The following MID1 variants were observed in gnomAD, a reference collection of about 807,000 sequenced individuals.
The protein encoded by MID1 is E3 ubiquitin-protein ligase Midline-1.
In MID1, 7 loss-of-function variants were observed where a neutral mutation model predicts 40.4. The observed-to-expected ratio is 0.17, with a 90% CI of 0.10 to 0.33. The LOEUF (loss-of-function observed/expected upper bound fraction) is 0.33, where lower values mean the gene tolerates loss of function less well. MID1 is among the 10% of genes least tolerant of loss of function. MID1 has a pLI of 1.00. For missense variants in MID1, 367 were observed against 558.5 expected (o/e 0.66, Z 3.46); for synonymous variants, 229 against 221.2 (o/e 1.04, Z -0.31).
chrX:10,698,892 T>C (rs111238472), intron 1 of MID1, among the ~76,000 whole-genome samples: 9 of 111,740 alleles, frequency 8.1e-5, no homozygotes, highest in African/African-American at 2.9e-4. Flanking sequence ...AGAATTTAAA[T>C]CTGCATAAAC....
chrX:10,488,973 CTA>C (rs763779774), intron 4 of MID1, among the ~76,000 whole-genome samples: 6 of 109,656 alleles, frequency 5.5e-5, no homozygotes, highest in African/African-American at 1.7e-4. Context: ...TCCTCTCTCT[CTA>C]TATATATATA....
intron 2 of MID1, among the ~76,000 whole-genome samples, chrX:10,533,391 A>AAAGAAAG (rs1569089898): frequency 5.4e-4 from 30 of 55,071 alleles, no homozygotes; most frequent in African/African-American, 2.1e-3. Context: ...AGAAAGAAAG[A>AAAGAAAG]AAAGAAAGAA....
chrX:10,714,504 T>G (rs1429749991), intron 1 of MID1, among the ~76,000 whole-genome samples: 1 of 112,943 alleles, frequency 8.9e-6, no homozygotes, highest in Non-Finnish European at 1.9e-5. Context: ...TCTTTGACAG[T>G]TGCTGATCTT....
chrX:10,463,461 G>A (rs888188211), intron 7 of MID1, among the ~76,000 whole-genome samples: 3 of 111,657 alleles, frequency 2.7e-5, no homozygotes, highest in South Asian at 3.7e-4. Context: ...ACCTTGTCAC[G>A]CAATACAACA....
rs189281345 is a variant in MID1, at chrX:10,591,689, C to G, written c.-56-24086G>C. Among the ~76,000 whole-genome samples, 754 of 109,341 alleles carry G rather than the reference C, an allele frequency of 6.9e-3. 12 individuals are homozygous for G. Among genetic ancestry groups the G allele is most frequent in the East Asian group, 0.069 (236 of 3,431 alleles). 94.9% of individuals were successfully genotyped at this position (109,341 alleles called of 115,157 possible). Reference sequence around the variant, plus strand: ...TCCGTTCCCCCTTCCCACCTCCCCCCCTTCACCTCCCTGCCTATCAGCATC... The same window carrying G: ...TCCGTTCCCCCTTCCCACCTCCCCCGCTTCACCTCCCTGCCTATCAGCATC... On this transcript the variant is annotated intron_variant, in intron 1 of 9. Transcript: ENST00000317552.
intron 7 of MID1, among the ~76,000 whole-genome samples, chrX:10,463,641 T>C (rs191428427): frequency 8.9e-6 from 1 of 112,488 alleles, no homozygotes; most frequent in East Asian, 2.8e-4. Flanking sequence ...TCCGTATTTT[T>C]GTAGGAATAA....
chrX:10,682,840 C>A (rs1016086148), intron 1 of MID1, among the ~76,000 whole-genome samples: 2 of 111,544 alleles, frequency 1.8e-5, no homozygotes, highest in African/African-American at 3.3e-5. Context: ...TTTAAACCAG[C>A]TTCTAGAAGT....
intron 1 of MID1, among the ~76,000 whole-genome samples, chrX:10,726,439 T>C (rs2043391079): frequency 9.0e-6 from 1 of 111,177 alleles, no homozygotes. Context: ...CAGGTTAAGA[T>C]AAAAGGTTGG....
intron 3 of MID1, chrX:10,506,551 G>A: frequency 2.0e-6 from 1 of 510,749 alleles, no homozygotes; most frequent in Non-Finnish European, 3.5e-6. Flanking sequence ...AAGCTGTTGG[G>A]GGAAGGTAGG....
chrX:10,814,630 T>C (rs1175017248), intron 1 of MID1, among the ~76,000 whole-genome samples: 1 of 110,010 alleles, frequency 9.1e-6, no homozygotes, highest in African/African-American at 3.3e-5. Context: ...TGTGTGCGCA[T>C]GCATGCACAT....
At chrX:10,769,266 C>T (rs1175269022) in intron 1 of MID1, among the ~76,000 whole-genome samples, 1 of 110,400 alleles carries the variant, frequency 9.1e-6, no homozygotes, top group Non-Finnish European at 1.9e-5. Context: ...ATCCTACCGC[C>T]TTAAAACAAA....
At chrX:10,559,603 T>C (rs1301629688) in intron 2 of MID1, among the ~76,000 whole-genome samples, 1 of 112,280 alleles carries the variant, frequency 8.9e-6, no homozygotes, top group Non-Finnish European at 1.9e-5. Context: ...AAATTCAATA[T>C]TGTTTTCTAA....
chrX:10,765,999 G>C (rs868029549), intron 1 of MID1, among the ~76,000 whole-genome samples: 3 of 94,824 alleles, frequency 3.2e-5, no homozygotes, highest in Admixed American at 1.1e-4. Context: ...AAGAAAGAAA[G>C]AAAGAAAGAA....
chrX:10,704,088 A>C (rs2043210259), intron 1 of MID1, among the ~76,000 whole-genome samples: 1 of 112,323 alleles, frequency 8.9e-6, no homozygotes, highest in Admixed American at 9.4e-5. Flanking sequence ...TGTTAGTTTT[A>C]TAGGAAAAGA....
At chrX:10,458,536 A>C (rs1928822683) in intron 8 of MID1, among the ~76,000 whole-genome samples, 1 of 112,107 alleles carries the variant, frequency 8.9e-6, no homozygotes, top group Non-Finnish European at 1.9e-5. Context: ...ATATTTGGGC[A>C]AACTGGGTTA....
In MID1 at chrX:10,446,459, A is replaced by G. The variant is rs1057396771; in HGVS notation, c.*2909T>C. ...TTTCCTCCAGCAGAAACCATCGTCA[A>G]TATTTGCAGTCAGTTTTTGAAGTCA... is the stretch of plus-strand genomic sequence containing the variant. On this transcript the variant is annotated 3_prime_UTR_variant, in exon 10 of 10. Coordinates refer to ENST00000317552, the MANE Select transcript of MID1 (RefSeq NM_000381.4). 4 of 111,912 alleles carry G rather than the reference A, an allele frequency of 3.6e-5. No homozygotes were observed. The highest frequency in any genetic ancestry group is 1.3e-4 in the African/African-American group (4 of 30,760). 9.2% of individuals were successfully genotyped at this position (111,912 alleles called of 1,213,427 possible).
intron 1 of MID1, among the ~76,000 whole-genome samples, chrX:10,587,969 C>G (rs1418815816): frequency 9.0e-6 from 1 of 111,486 alleles, no homozygotes; most frequent in Non-Finnish European, 1.9e-5. Flanking sequence ...ATTTTATATA[C>G]TCTTTTTAAC....
chrX:10,683,923 C>T (rs752963060), intron 1 of MID1, among the ~76,000 whole-genome samples: 16 of 106,180 alleles, frequency 1.5e-4, no homozygotes, highest in African/African-American at 4.8e-4. Context: ...GGCATGTGCA[C>T]GACATCTGGC....
chrX:10,735,672 C>T (rs1003489230), intron 1 of MID1, among the ~76,000 whole-genome samples: 28 of 111,525 alleles, frequency 2.5e-4, no homozygotes, highest in Middle Eastern at 4.6e-3. Flanking sequence ...CTTGCATATA[C>T]TTCTATATAT....
Sources: allele counts gnomAD v4.1 joint callset (sites outside exome capture counted in the v4.1 genomes callset), GRCh38; gene constraint gnomAD v4.1.1; transcripts MANE v1.5; gene names NCBI Gene and HGNC (gene_info 2026-07-23, HGNC 2026-07-21).